Variants in ARPP21 observed in about 807,000 individuals in gnomAD.
ARPP21 encodes cAMP regulated phosphoprotein 21.
A neutral mutation model predicts 113.2 loss-of-function variants in ARPP21; 69 were observed. The observed-to-expected ratio is 0.61, with a 90% CI of 0.50 to 0.74. ARPP21 has a LOEUF of 0.74. ARPP21 is among the 30% of genes least tolerant of loss of function. The pLI is 0.00. For synonymous variants in ARPP21, 368 were observed against 375.5 expected, an observed-to-expected ratio of 0.98 and a Z score of 0.23; for missense variants, 1,070 against 1,037.4, an observed-to-expected ratio of 1.03 and a Z score of -0.43.
At chr3:35,687,671 A>G in intron 5 of ARPP21, 68 bp from the exon 6 acceptor site, 6 of 1,434,184 alleles carry the variant, frequency 4.2e-6, no homozygotes, top group South Asian at 1.3e-5. Context: ...TATAACCTCT[A>G]TGCAAAATGG....
intron 14 of ARPP21, among the ~76,000 whole-genome samples, chr3:35,726,368 T>A (rs2093538305): frequency 6.6e-6 from 1 of 152,200 alleles, no homozygotes; most frequent in Admixed American, 6.5e-5. Flanking sequence ...CTGGCCTTGG[T>A]GATTGATGTT....
At chr3:35,729,974 A>T (rs1160317289) in intron 15 of ARPP21, among the ~76,000 whole-genome samples, 1 of 152,240 alleles carries the variant, frequency 6.6e-6, no homozygotes, top group African/African-American at 2.4e-5. Flanking sequence ...GTATCAGTTG[A>T]GACATATAGT....
intron 10 of ARPP21, chr3:35,707,402 G>A (rs541689220): frequency 6.7e-5 from 35 of 524,250 alleles, no homozygotes; most frequent in East Asian, 1.0e-4. Context: ...TTTGTCAGTC[G>A]CATATCCAGA....
intron 1 of ARPP21, among the ~76,000 whole-genome samples, chr3:35,676,294 A>C (rs1352534994): frequency 6.6e-6 from 1 of 151,916 alleles, no homozygotes; most frequent in Non-Finnish European, 1.5e-5. Flanking sequence ...CACTTTTGGC[A>C]TTCTGCTAAA....
At chr3:35,762,096 C>CCTCTCTCTCTCTCTCTCTCTCTCT (rs373149403) in intron 19 of ARPP21, among the ~76,000 whole-genome samples, 8 of 136,146 alleles carry the variant, frequency 5.9e-5, no homozygotes, top group African/African-American at 2.1e-4. Context: ...CTCTCTCTCT[C>CCTCTCTCTCTCTCTCTCTCTCTCT]CTCTCTCTCT....
At chr3:35,668,491 G>A (rs1292105986) in intron 1 of ARPP21, among the ~76,000 whole-genome samples, 2 of 152,066 alleles carry the variant, frequency 1.3e-5, no homozygotes, top group African/African-American at 4.8e-5. Flanking sequence ...AGCCCCATAT[G>A]AGTGGTCAGG....
intron 9 of ARPP21, among the ~76,000 whole-genome samples, chr3:35,692,864 G>C (rs570531942): frequency 1.3e-5 from 2 of 151,738 alleles, no homozygotes; most frequent in South Asian, 2.1e-4. Context: ...CTATTGGATA[G>C]AGCAGATATG....
intron 1 of ARPP21, among the ~76,000 whole-genome samples, chr3:35,672,753 T>G (rs2076643391): frequency 6.6e-6 from 1 of 152,056 alleles, no homozygotes; most frequent in Non-Finnish European, 1.5e-5. Context: ...ATCTGCTTTT[T>G]CTGAGACCTG....
Position 35,743,871 on chromosome 3 carries a change from C to T in ARPP21, c.2043C>T (p.Tyr681=), listed in dbSNP as rs199538011. 8.1e-6 allele frequency: 13 copies of T among 1,613,984 alleles called. No individual in the cohort carries two copies. The highest frequency in any genetic ancestry group is 1.3e-5 in the African/African-American group (1 of 74,926). ...MPVYYYPSGQ[Y]PTSTTQQYRP... ...TATATTATTACCCATCTGGTCAGTA[C>T]CCTACCTCAACCACGCAACAGTACC... The change falls in exon 19 of 21, where the codon TAC becomes TAT. Residue 681 remains tyrosine (Y), a synonymous_variant. Coordinates refer to ENST00000684406, the MANE Select transcript of ARPP21 (RefSeq NM_001385562.1).
At chr3:35,680,639 G>T (rs1434237744) in intron 2 of ARPP21, among the ~76,000 whole-genome samples, 4 of 151,854 alleles carry the variant, frequency 2.6e-5, no homozygotes, top group Non-Finnish European at 5.9e-5. Context: ...TGTAATGACT[G>T]GGAATGGGAC....
At chr3:35,719,047 G>T (rs1039914910) in intron 13 of ARPP21, among the ~76,000 whole-genome samples, 1 of 151,770 alleles carries the variant, frequency 6.6e-6, no homozygotes, top group Non-Finnish European at 1.5e-5. Flanking sequence ...AAGAGGGCAA[G>T]CTCCAATGAC....
intron 9 of ARPP21, among the ~76,000 whole-genome samples, chr3:35,696,894 T>G (rs2084263787): frequency 6.6e-6 from 1 of 151,592 alleles, no homozygotes; most frequent in South Asian, 2.1e-4. Context: ...TCTCTCTCTT[T>G]TACTCATTTT....
chr3:35,760,207 G>A lies in ARPP21; in HGVS notation c.2137+16242G>A, dbSNP rs570695400. Among the ~76,000 whole-genome samples the A allele has an allele frequency of 2.6e-5, 4 of 152,142 alleles. No homozygotes were observed. In the East Asian group the frequency reaches 5.8e-4, roughly 22 times the overall value. ...CTTGTTGTCGTTGTTGGTTTGTAGC[G>A]ACAGTATCTGACTGTAAATTATGTG... On this transcript the variant is annotated intron_variant, in intron 19 of 20. Coordinates refer to ENST00000684406, the MANE Select transcript of ARPP21 (RefSeq NM_001385562.1).
chr3:35,722,987 C>T (rs191241932), intron 14 of ARPP21, among the ~76,000 whole-genome samples: 228 of 152,232 alleles, frequency 1.5e-3, no homozygotes, highest in Non-Finnish European at 2.4e-3. Flanking sequence ...TTTGGTTCTG[C>T]CTTAGAAAAT....
At chr3:35,682,601 T>C (rs1409234605) in intron 3 of ARPP21, 3 of 405,178 alleles carry the variant, frequency 7.4e-6, no homozygotes, top group African/African-American at 4.1e-5. Flanking sequence ...GGCTTTTCCT[T>C]GTCCCCTTTC....
intron 1 of ARPP21, among the ~76,000 whole-genome samples, chr3:35,672,686 G>A (rs2076623178): frequency 6.6e-6 from 1 of 152,046 alleles, no homozygotes; most frequent in African/African-American, 2.4e-5. Flanking sequence ...ATAATAGTGG[G>A]AAGAGAATCT....
intron 9 of ARPP21, among the ~76,000 whole-genome samples, chr3:35,699,057 G>C (rs1225372235): frequency 6.6e-6 from 1 of 151,608 alleles, no homozygotes; most frequent in Non-Finnish European, 1.5e-5. Flanking sequence ...CAGTTTATTT[G>C]AGGAGCCATG....
At chr3:35,661,098 G>A (rs1707580168) in intron 1 of ARPP21, among the ~76,000 whole-genome samples, 1 of 152,066 alleles carries the variant, frequency 6.6e-6, no homozygotes, top group South Asian at 2.1e-4. Context: ...CAACTTCACT[G>A]GCATAACAAG....
At chr3:35,730,062 G>A (rs2093836885) in intron 15 of ARPP21, among the ~76,000 whole-genome samples, 2 of 152,320 alleles carry the variant, frequency 1.3e-5, no homozygotes, top group East Asian at 1.9e-4. Flanking sequence ...AACAGCAGTG[G>A]CGAAGAGAAT....
Sources: gnomAD v4.1 joint callset for allele counts (sites outside exome capture counted in the v4.1 genomes callset) on GRCh38, gnomAD v4.1.1 for gene constraint, MANE v1.5 for transcripts, NCBI Gene and HGNC (gene_info 2026-07-23, HGNC 2026-07-21) for gene names.